Variants in EPHA6 observed in about 807,000 individuals in gnomAD.
EPHA6 encodes the protein EPH receptor A6, also known as ephrin type-A receptor 6.
In EPHA6, 50 loss-of-function variants were observed where a neutral mutation model predicts 112.0. The observed-to-expected ratio is 0.45, with a 90% confidence interval of 0.36 to 0.56. The LOEUF (loss-of-function observed/expected upper bound fraction) is 0.56. Among genes scored for constraint, EPHA6 ranks in the 20% least tolerant of loss-of-function variants. EPHA6 has a pLI of 0.00. For missense variants in EPHA6, 1,280 were observed against 1,417.4 expected, an observed-to-expected ratio of 0.90 and a Z score of 1.56; for synonymous variants, 529 against 490.7, an observed-to-expected ratio of 1.08 and a Z score of -1.03.
At chr3:97,537,686 AT>A (rs1441759773) in intron 11 of EPHA6, among the ~76,000 whole-genome samples, 1 of 152,100 alleles carries the variant, frequency 6.6e-6, no homozygotes, top group East Asian at 1.9e-4. Flanking sequence ...TCAAGTGATT[AT>A]CCTCCCTCAA....
intron 14 of EPHA6, among the ~76,000 whole-genome samples, chr3:97,667,876 C>T (rs908261374): frequency 3.3e-5 from 5 of 152,066 alleles, no homozygotes; most frequent in Non-Finnish European, 5.9e-5. Flanking sequence ...TATTTCTGTT[C>T]AAGTCTGTGT....
chr3:96,883,749 T>A (rs532358211), intron 2 of EPHA6, among the ~76,000 whole-genome samples: 2 of 152,136 alleles, frequency 1.3e-5, no homozygotes, highest in South Asian at 4.1e-4. Flanking sequence ...GACTGCAACC[T>A]CCCACCTCCT....
At chr3:97,423,789 G>A (rs1372924968) in intron 6 of EPHA6, among the ~76,000 whole-genome samples, 1 of 152,076 alleles carries the variant, frequency 6.6e-6, no homozygotes, top group Non-Finnish European at 1.5e-5. Context: ...AAAACAGCAT[G>A]GTACAGAAAC....
At position 97,467,183 on chromosome 3, in the gene EPHA6, T is replaced by C. The variant is rs1005234573; in HGVS notation, c.1895-8169T>C. 4.6e-5 allele frequency among the ~76,000 whole-genome samples: 7 copies of C among 151,858 alleles called. No homozygotes were observed. In the South Asian group the frequency reaches 1.0e-3, roughly 22 times the overall value. On this transcript the variant is annotated intron_variant, in intron 7 of 17. Coordinates refer to ENST00000389672, the MANE Select transcript of EPHA6 (RefSeq NM_001080448.3). ...CTCCCCAAGCTCTATATCACAGTGC[T>C]TAGCAAATGGTATTTTTGTTGTTAT...
intron 5 of EPHA6, among the ~76,000 whole-genome samples, chr3:97,317,389 T>C (rs2081894765): frequency 6.6e-6 from 1 of 151,982 alleles, no homozygotes; most frequent in African/African-American, 2.4e-5. Flanking sequence ...CACAGGGATG[T>C]TTTAATAAAC....
At chr3:97,713,926 A>G (rs1253710488) in intron 14 of EPHA6, among the ~76,000 whole-genome samples, 1 of 152,222 alleles carries the variant, frequency 6.6e-6, no homozygotes, top group African/African-American at 2.4e-5. Context: ...GGGCACTGGG[A>G]GGACAATGGC....
rs1332036326 is a variant in EPHA6, at chr3:97,753,749, G to C, written c.*5048G>C. Among the ~76,000 whole-genome samples, 1 of 151,730 alleles carries C rather than the reference G, an allele frequency of 6.6e-6. No individual in the cohort carries two copies. The highest frequency in any genetic ancestry group is 1.5e-5 in the Non-Finnish European group (1 of 67,928). ...TTTTAAATTCCATCCATTTAACAGG[G>C]GAAATAGATGATTACTCCTGACTAT... On this transcript the variant is annotated 3_prime_UTR_variant, in exon 18 of 18. Coordinates refer to ENST00000389672, the MANE Select transcript of EPHA6 (RefSeq NM_001080448.3).
chr3:97,463,976 T>A (rs935274682), intron 7 of EPHA6, among the ~76,000 whole-genome samples: 2 of 152,098 alleles, frequency 1.3e-5, no homozygotes, highest in African/African-American at 4.8e-5. Flanking sequence ...CAAAAAAGAT[T>A]GAGACAAGAA....
intron 10 of EPHA6, among the ~76,000 whole-genome samples, chr3:97,495,525 T>C (rs1273063767): frequency 6.6e-6 from 1 of 152,078 alleles, no homozygotes; most frequent in Non-Finnish European, 1.5e-5. Flanking sequence ...TATGTACTTT[T>C]CATATTCCCA....
At chr3:97,197,051 ATTC>A (rs1025765755) in intron 3 of EPHA6, among the ~76,000 whole-genome samples, 2 of 151,960 alleles carry the variant, frequency 1.3e-5, no homozygotes, top group African/African-American at 4.8e-5. Context: ...CCAGGCCTGT[ATTC>A]TTCCCTTCAG....
At chr3:97,466,223 C>T in intron 7 of EPHA6, 2 of 851,654 alleles carry the variant, frequency 2.3e-6, no homozygotes, top group South Asian at 1.3e-5. Flanking sequence ...GGCAAACAGA[C>T]TTGGGAGGCT....
chr3:97,277,341 G>A (rs917462100), intron 5 of EPHA6, among the ~76,000 whole-genome samples: 2 of 152,076 alleles, frequency 1.3e-5, no homozygotes, highest in Non-Finnish European at 2.9e-5. Context: ...GTCACAAGGT[G>A]CTCAGTGGGG....
chr3:97,648,277 C>A, intron 14 of EPHA6: 1 of 948,184 alleles, frequency 1.1e-6, no homozygotes, highest in Non-Finnish European at 1.7e-6. Context: ...GTTTACTTTG[C>A]ATTCATAGGA....
chr3:97,152,838 A>G (rs1483520186), intron 3 of EPHA6, among the ~76,000 whole-genome samples: 1 of 152,122 alleles, frequency 6.6e-6, no homozygotes, highest in African/African-American at 2.4e-5. Context: ...TAGGATTGAT[A>G]ATTAAAGCCA....
At chr3:97,608,230 TC>T (rs1384412016) in intron 12 of EPHA6, among the ~76,000 whole-genome samples, 2 of 151,286 alleles carry the variant, frequency 1.3e-5, no homozygotes, top group Admixed American at 1.3e-4. Context: ...TTTTTATTAT[TC>T]TTAATGAGAA....
chr3:96,865,802 A>G (rs1169895704), intron 1 of EPHA6, among the ~76,000 whole-genome samples: 1 of 151,794 alleles, frequency 6.6e-6, no homozygotes, highest in Non-Finnish European at 1.5e-5. Flanking sequence ...AGTGAGGTTC[A>G]TGGCCTACTG....
chr3:97,148,045 C>A (rs956513058), intron 3 of EPHA6, among the ~76,000 whole-genome samples: 1 of 151,988 alleles, frequency 6.6e-6, no homozygotes, highest in Admixed American at 6.6e-5. Context: ...TTATTCAAAT[C>A]TAAAGTTTAT....
intron 2 of EPHA6, among the ~76,000 whole-genome samples, chr3:96,908,708 G>T (rs972734839): frequency 6.6e-6 from 1 of 151,682 alleles, no homozygotes; most frequent in African/African-American, 2.4e-5. Flanking sequence ...TGGATGAGAG[G>T]ATTTTTTTAA....
intron 3 of EPHA6, among the ~76,000 whole-genome samples, chr3:97,093,496 G>T: frequency 6.6e-6 from 1 of 152,054 alleles, no homozygotes; most frequent in East Asian, 1.9e-4. Flanking sequence ...TTTGCAGTGG[G>T]CTGAGATCGT....
Sources: allele counts gnomAD v4.1 joint callset (sites outside exome capture counted in the v4.1 genomes callset), GRCh38; gene constraint gnomAD v4.1.1; transcripts MANE v1.5; gene names NCBI Gene and HGNC (gene_info 2026-07-23, HGNC 2026-07-21).